The following GXYLT1 variants were observed in gnomAD, a reference collection of about 807,000 sequenced individuals.
GXYLT1 encodes the protein glycosyltransferase 8 domain containing 3.
In GXYLT1, 29 loss-of-function variants were observed where a neutral mutation model predicts 54.0. That is an observed-to-expected ratio of 0.54 (90% CI 0.40 to 0.73). The LOEUF is 0.73. Ranked by LOEUF, GXYLT1 falls within the 30% of genes least tolerant of loss-of-function variation. The pLI, the probability that GXYLT1 is intolerant of heterozygous loss-of-function variation, is 0.00. For synonymous variants in GXYLT1, 176 were observed against 204.1 expected (o/e 0.86, Z 1.17); for missense variants, 490 against 553.4 (o/e 0.89, Z 1.15).
Position 42,087,934 on chromosome 12 carries a change from T to C in GXYLT1, c.1175A>G (p.Asp392Gly). The C allele has an allele frequency of 6.6e-7, 1 of 1,525,626 alleles. No individual in the cohort carries two copies. The highest frequency in any genetic ancestry group is 8.8e-7 in the Non-Finnish European group (1 of 1,131,980). 94.5% of individuals were successfully genotyped at this position (1,525,626 alleles called of 1,614,324 possible). A position where few individuals can be genotyped will look rare whatever the true frequency, so the allele number is the denominator to read the frequency against. The change falls in exon 8 of 8, where the codon GAT (aspartate) becomes GGT (glycine). Residue 392 changes from aspartate to glycine, a missense_variant. This residue lies in a region of GXYLT1 where 342 missense variants were observed against 342.6 expected (regional missense o/e 1.00). Transcript: ENST00000398675. ...TTTTAATAAGGAACGGATGTTGTCA[T>C]CTTCAAAAGAACACTAGAGAAAGAA... ...YEALRNCSFE[D>G]DNIRSLLKPL...
chr12:42,098,782 T>TATATATATATATATATATATATAA (rs1374482799), intron 5 of GXYLT1, among the ~76,000 whole-genome samples: 7 of 138,236 alleles, frequency 5.1e-5, no homozygotes, highest in South Asian at 2.3e-4. Flanking sequence ...TATATATATA[T>TATATATATATATATATATATATAA]ATAATACATG....
At chr12:42,092,384 G>A (rs2065333912) in intron 7 of GXYLT1, among the ~76,000 whole-genome samples, 2 of 152,212 alleles carry the variant, frequency 1.3e-5, no homozygotes, top group Non-Finnish European at 2.9e-5. Context: ...CTTAGTAGCA[G>A]TGAAATAGCT....
At chr12:42,135,009 AC>A (rs1271797412) in intron 1 of GXYLT1, among the ~76,000 whole-genome samples, 1 of 152,210 alleles carries the variant, frequency 6.6e-6, no homozygotes, top group African/African-American at 2.4e-5. Context: ...GGATTATACA[AC>A]CCTATTCATT....
At chr12:42,100,211 A>G (rs917302134) in intron 5 of GXYLT1, among the ~76,000 whole-genome samples, 3 of 152,224 alleles carry the variant, frequency 2.0e-5, no homozygotes, top group African/African-American at 7.2e-5. Flanking sequence ...TATCCAGAGT[A>G]AAAACCAGTA....
chr12:42,088,048 G>A (rs1425056083), intron 7 of GXYLT1, 101 bp from the exon 8 acceptor site: 6 of 526,018 alleles, frequency 1.1e-5, no homozygotes, highest in African/African-American at 2.0e-5. Flanking sequence ...TAATATGAAC[G>A]ATCTCCATTT....
chr12:42,094,447 C>A (rs547667068), intron 7 of GXYLT1, among the ~76,000 whole-genome samples: 1 of 151,612 alleles, frequency 6.6e-6, no homozygotes, highest in South Asian at 2.1e-4. Flanking sequence ...TGCTTCAGCT[C>A]GGTAATTCAA....
At chr12:42,099,375 C>A (rs2065376642) in intron 5 of GXYLT1, among the ~76,000 whole-genome samples, 1 of 152,126 alleles carries the variant, frequency 6.6e-6, no homozygotes, top group Non-Finnish European at 1.5e-5. Context: ...TCAACTCAGC[C>A]AAATTAACTA....
chr12:42,130,867 A>T (rs1406035837), intron 1 of GXYLT1, among the ~76,000 whole-genome samples: 1 of 152,182 alleles, frequency 6.6e-6, no homozygotes, highest in African/African-American at 2.4e-5. Flanking sequence ...GGATGGCATG[A>T]GCCCAGGAGT....
chr12:42,109,599 A>G lies in GXYLT1; in HGVS notation c.579T>C (p.Phe193=), dbSNP rs1364787699. The change falls in exon 4 of 8, where the codon TTT becomes TTC. Residue 193 remains phenylalanine (F), a synonymous_variant. Transcript: ENST00000398675. ...ACAATCTCTGCGAAGCACATGGTTTAAAGAGTTTTTTCCACTCTGCTGCAT... is the reference window on the plus strand; with the variant it reads ...ACAATCTCTGCGAAGCACATGGTTTGAAGAGTTTTTTCCACTCTGCTGCAT... The part of the protein sequence containing the change: ...SENAAEWKKL[F]KPCASQRLFL... The G allele has an allele frequency of 1.3e-6, 2 of 1,595,396 alleles. No homozygotes were observed. Among genetic ancestry groups the G allele is most frequent in the South Asian group, 1.2e-5 (1 of 86,824 alleles).
chr12:42,125,245 T>C lies in GXYLT1; in HGVS notation c.314+4514A>G, dbSNP rs147860441. On this transcript the variant is annotated intron_variant, in intron 2 of 7. Coordinates refer to ENST00000398675, the MANE Select transcript of GXYLT1 (RefSeq NM_173601.2). ...TAGACTGACATGTGGAGAAAGTCCG[T>C]TGTAAACATGATACAAAACACAGAT... 5.2e-3 allele frequency among the ~76,000 whole-genome samples: 790 copies of C among 152,242 alleles called. 17 individuals are homozygous for C. Among genetic ancestry groups the C allele is most frequent in the Admixed American group, 0.047 (715 of 15,284 alleles).
chr12:42,105,468 C>T (rs2065413725), intron 5 of GXYLT1, among the ~76,000 whole-genome samples: 1 of 152,064 alleles, frequency 6.6e-6, no homozygotes, highest in African/African-American at 2.4e-5. Flanking sequence ...CCATGTTGTC[C>T]CTAAGGTATA....
At chr12:42,099,397 T>C (rs1478721153) in intron 5 of GXYLT1, among the ~76,000 whole-genome samples, 8 of 152,216 alleles carry the variant, frequency 5.3e-5, no homozygotes, top group African/African-American at 1.9e-4. Flanking sequence ...ATATCCTTAA[T>C]GTTTATAGTA....
chr12:42,140,797 A>G (rs1055750225), intron 1 of GXYLT1, among the ~76,000 whole-genome samples: 16 of 152,224 alleles, frequency 1.1e-4, no homozygotes, highest in African/African-American at 3.9e-4. Context: ...TGAAACATTT[A>G]GTAATTTCTT....
intron 5 of GXYLT1, among the ~76,000 whole-genome samples, chr12:42,104,192 T>C (rs1417181588): frequency 6.6e-6 from 1 of 152,204 alleles, no homozygotes; most frequent in Non-Finnish European, 1.5e-5. Flanking sequence ...ATCTCTATAG[T>C]TCTTTGCAAC....
Position 42,129,822 on chromosome 12 carries a change from T to G in GXYLT1, c.251A>C (p.Asn84Thr). 6.2e-7 allele frequency: 1 copy of G among 1,613,512 alleles called. No individual in the cohort carries two copies. The highest frequency in any genetic ancestry group is 8.5e-7 in the Non-Finnish European group (1 of 1,179,572). Residue 84 changes from asparagine to threonine, a missense_variant, in exon 2 of 8, where the codon AAT becomes ACT. This residue lies in a region of GXYLT1 where 148 missense variants were observed against 210.7 expected (regional missense o/e 0.70). Coordinates refer to ENST00000398675, the MANE Select transcript of GXYLT1 (RefSeq NM_173601.2). ...ATCAGAGGGCAGCATCCAATAGGGA[T>G]TCCAGTAACACAGAGAGAAATCTTT... ...RCKDFSLCYW[N>T]PYWMLPSDVC... is the part of the protein sequence containing the mutation.
At chr12:42,115,062 T>C (rs536485393) in intron 3 of GXYLT1, among the ~76,000 whole-genome samples, 334 of 152,230 alleles carry the variant, frequency 2.2e-3, no homozygotes, top group Non-Finnish European at 2.1e-3. Flanking sequence ...CAGAAAAGGC[T>C]TTTGACAAAA....
chr12:42,113,346 A>C (rs1482112339), intron 3 of GXYLT1, among the ~76,000 whole-genome samples: 1 of 151,160 alleles, frequency 6.6e-6, no homozygotes, highest in Non-Finnish European at 1.5e-5. Context: ...CAAATTGGAT[A>C]AAGAGTCAAG....
chr12:42,144,696 GAA>G lies in GXYLT1; in HGVS notation c.-52_-51del. ...CCGCCGCCGCCGCGCCCGCCCCGAC[GAA>G]CTGGAGCGGAGGGAGGGGCACCGCG... On this transcript the variant is annotated 5_prime_UTR_variant, in exon 1 of 8. Coordinates refer to ENST00000398675, the MANE Select transcript of GXYLT1 (RefSeq NM_173601.2). The G allele has an allele frequency of 3.4e-6, 4 of 1,165,942 alleles. No individual in the cohort carries two copies. The highest frequency in any genetic ancestry group is 3.0e-5 in the Admixed American group (1 of 33,312). The allele number at this position is 1,165,942 out of a possible 1,614,324, so 72.2% of individuals were successfully genotyped here. A position where few individuals can be genotyped will look rare whatever the true frequency, so the allele number is the denominator to read the frequency against.
chr12:42,097,425 G>C lies in GXYLT1; in HGVS notation c.1161+17C>G, dbSNP rs2065361794. On this transcript the variant is annotated intron_variant, in intron 7 of 7. Coordinates refer to ENST00000398675, the MANE Select transcript of GXYLT1 (RefSeq NM_173601.2). ...TTTTCAAACAAAAAGTTAAAAAAAA[G>C]GAAAGGCAAATCTTACATTTCTCAG... is the stretch of plus-strand genomic sequence containing the variant. 43 of 1,531,770 alleles carry C rather than the reference G, an allele frequency of 2.8e-5. No homozygotes were observed. Among genetic ancestry groups the C allele is most frequent in the Non-Finnish European group, 3.6e-5 (42 of 1,151,360 alleles). 94.9% of individuals were successfully genotyped at this position (1,531,770 alleles called of 1,614,324 possible). A position where few individuals can be genotyped will look rare whatever the true frequency, so the allele number is the denominator to read the frequency against.
Sources: allele counts gnomAD v4.1 joint callset (sites outside exome capture counted in the v4.1 genomes callset), GRCh38; gene constraint gnomAD v4.1.1; regional missense constraint gnomAD v4.1.1; transcripts MANE v1.5; gene names NCBI Gene and HGNC (gene_info 2026-07-23, HGNC 2026-07-21).